ADGRL3: variants seen among roughly 807,000 people sequenced by gnomAD.
The protein encoded by ADGRL3 is adhesion G protein-coupled receptor L3, also known as calcium-independent alpha-latrotoxin receptor 3.
ADGRL3 carries 62 observed loss-of-function variants against 153.5 expected under a neutral mutation model. The ratio of observed to expected loss-of-function variants is 0.40; its 90% CI spans 0.33 to 0.50. The LOEUF (loss-of-function observed/expected upper bound fraction) is 0.50, where lower values mean the gene tolerates loss of function less well. Ranked by LOEUF, ADGRL3 falls within the 20% of genes least tolerant of loss-of-function variation. ADGRL3 has a pLI of 0.47. For synonymous variants in ADGRL3, 710 were observed against 672.5 expected (o/e 1.06, Z -0.86); for missense variants, 1,641 against 1,859.4 (o/e 0.88, Z 2.16).
intron 12 of ADGRL3, among the ~76,000 whole-genome samples, chr4:61,911,833 C>T (rs1483673634): frequency 6.7e-6 from 1 of 150,360 alleles, no homozygotes; most frequent in Non-Finnish European, 1.5e-5. Flanking sequence ...ATCAAGGCTA[C>T]TGAGGAAAAA....
chr4:62,054,458 G>C (rs968142690), intron 25 of ADGRL3, among the ~76,000 whole-genome samples: 2 of 151,550 alleles, frequency 1.3e-5, no homozygotes, highest in African/African-American at 2.4e-5. Context: ...CTAATTATAT[G>C]AATAATGTCA....
At position 61,391,517 on chromosome 4, in the gene ADGRL3, G is replaced by C. The variant is rs77490858; in HGVS notation, c.-174+8328G>C. Among the ~76,000 whole-genome samples, 1,001 of 152,246 alleles carry C rather than the reference G, an allele frequency of 6.6e-3. 13 individuals carry two copies. The highest frequency in any genetic ancestry group is 0.023 in the African/African-American group (935 of 41,552). The stretch of plus-strand genomic sequence containing the variant: ...ATCCAAACCACATCAAAGTTGTTAT[G>C]AACATTCATTTGCAATGTGTGTGAG... On this transcript the variant is annotated intron_variant, in intron 2 of 26. Coordinates refer to ENST00000683033, the MANE Select transcript of ADGRL3 (RefSeq NM_001387552.1).
At chr4:61,930,414 C>T (rs1237390867) in intron 13 of ADGRL3, among the ~76,000 whole-genome samples, 1 of 152,092 alleles carries the variant, frequency 6.6e-6, no homozygotes, top group Non-Finnish European at 1.5e-5. Context: ...AAATCTTAAG[C>T]TATTTCACAA....
chr4:61,949,354 T>G lies in ADGRL3; in HGVS notation c.2805+1078T>G, dbSNP rs1011256846. ...ACAAGATGCTCAACAAAAATAATAC[T>G]TTTTTTCTGAATATTGTATGTCATA... On this transcript the variant is annotated intron_variant, in intron 17 of 26. Coordinates refer to ENST00000683033, the MANE Select transcript of ADGRL3 (RefSeq NM_001387552.1). 1.1e-4 allele frequency among the ~76,000 whole-genome samples: 16 copies of G among 152,172 alleles called. 1 individual carries two copies. The highest frequency in any genetic ancestry group is 3.6e-4 in the African/African-American group (15 of 41,436).
intron 5 of ADGRL3, among the ~76,000 whole-genome samples, chr4:61,623,524 A>G (rs891826444): frequency 6.6e-5 from 10 of 152,140 alleles, no homozygotes; most frequent in Admixed American, 4.6e-4. Flanking sequence ...ATCCTTTCAG[A>G]AATATTTCTG....
intron 5 of ADGRL3, among the ~76,000 whole-genome samples, chr4:61,667,421 C>T (rs748970900): frequency 9.9e-5 from 15 of 151,944 alleles, no homozygotes; most frequent in African/African-American, 1.5e-4. Flanking sequence ...TCTTGTAATA[C>T]GGTAGGGAAT....
At chr4:62,057,366 G>A (rs2151824080) in intron 25 of ADGRL3, among the ~76,000 whole-genome samples, 1 of 152,202 alleles carries the variant, frequency 6.6e-6, no homozygotes, top group East Asian at 1.9e-4. Flanking sequence ...CTATACATTA[G>A]AGAAGGGTGT....
intron 9 of ADGRL3, among the ~76,000 whole-genome samples, chr4:61,834,507 T>C (rs62304394): frequency 0.079 from 12,037 of 152,222 alleles, 634 homozygotes; most frequent in Admixed American, 0.16. Flanking sequence ...ATGGTATTTC[T>C]AGTTCAAGAT....
At chr4:61,675,897 T>C (rs2095174678) in intron 5 of ADGRL3, among the ~76,000 whole-genome samples, 1 of 151,796 alleles carries the variant, frequency 6.6e-6, no homozygotes, top group Non-Finnish European at 1.5e-5. Flanking sequence ...CTAGGGCTTA[T>C]TCATTCTTTC....
intron 2 of ADGRL3, among the ~76,000 whole-genome samples, chr4:61,428,840 T>A (rs1431343468): frequency 2.6e-5 from 3 of 113,832 alleles, no homozygotes. Flanking sequence ...TTTATCTATC[T>A]ATCTATCTAT....
intron 9 of ADGRL3, among the ~76,000 whole-genome samples, chr4:61,886,025 C>T (rs1372954766): frequency 1.3e-5 from 2 of 152,100 alleles, no homozygotes; most frequent in Non-Finnish European, 1.5e-5. Context: ...AGATAGCTTC[C>T]TCAATATCCT....
chr4:61,216,569 T>C (rs1742894134), intron 1 of ADGRL3, among the ~76,000 whole-genome samples: 2 of 152,172 alleles, frequency 1.3e-5, no homozygotes, highest in South Asian at 4.1e-4. Context: ...TATTACAATT[T>C]ATTATAAAGT....
intron 8 of ADGRL3, among the ~76,000 whole-genome samples, chr4:61,780,221 G>A (rs2097198970): frequency 2.0e-5 from 3 of 152,198 alleles, no homozygotes; most frequent in South Asian, 4.1e-4. Context: ...CTGTATGGTT[G>A]ACAGAGAAGA....
intron 2 of ADGRL3, among the ~76,000 whole-genome samples, chr4:61,459,889 G>C (rs1467833880): frequency 6.6e-6 from 1 of 152,006 alleles, no homozygotes; most frequent in East Asian, 1.9e-4. Flanking sequence ...TTTGTATGCT[G>C]TCTTTGCCTA....
chr4:61,554,677 C>T (rs1560832185), intron 4 of ADGRL3, among the ~76,000 whole-genome samples: 1 of 152,146 alleles, frequency 6.6e-6, no homozygotes, highest in African/African-American at 2.4e-5. Context: ...TACAACATTC[C>T]TATACTTTAA....
At chr4:61,819,758 C>A (rs560773318) in intron 9 of ADGRL3, among the ~76,000 whole-genome samples, 1 of 152,016 alleles carries the variant, frequency 6.6e-6, no homozygotes, top group Non-Finnish European at 1.5e-5. Context: ...GATACTTTGC[C>A]ATTTTATTCT....
intron 14 of ADGRL3, 97 bp downstream of exon 14, chr4:61,935,120 C>G (rs931070091): frequency 1.0e-6 from 1 of 975,100 alleles, no homozygotes; most frequent in Non-Finnish European, 1.5e-6. Flanking sequence ...ATGAGTGATG[C>G]TTTATTTCAA....
rs555462181 is a variant in ADGRL3 at position 61,327,943 on chromosome 4, T to A, written c.-239-55181T>A. On this transcript the variant is annotated intron_variant, in intron 1 of 26. Transcript: ENST00000683033. ...GAAAATGAAGAAATGGAAATTGCTA[T>A]TAAGACTGTCAAAAATTATTTCAAG... Among the ~76,000 whole-genome samples the A allele has an allele frequency of 6.7e-4, 102 of 152,260 alleles. No homozygotes were observed. In the Middle Eastern group the frequency reaches 0.014, roughly 20 times the overall value.
At chr4:61,577,390 TC>T (rs2098893690) in intron 4 of ADGRL3, among the ~76,000 whole-genome samples, 1 of 152,132 alleles carries the variant, frequency 6.6e-6, no homozygotes, top group African/African-American at 2.4e-5. Context: ...CTTGTTTTAT[TC>T]TTCACTAAGT....
Sources: gnomAD v4.1 joint callset for allele counts (sites outside exome capture counted in the v4.1 genomes callset) on GRCh38, gnomAD v4.1.1 for gene constraint, MANE v1.5 for transcripts, NCBI Gene and HGNC (gene_info 2026-07-23, HGNC 2026-07-21) for gene names.